The following FAM200B variants were observed in gnomAD, a reference collection of about 807,000 sequenced individuals.
FAM200B encodes protein FAM200B.
A neutral mutation model predicts 33.1 loss-of-function variants in FAM200B; 32 were observed. The observed-to-expected ratio is 0.97, with a 90% CI of 0.73 to 1.30. FAM200B has a LOEUF of 1.30. Ranked by LOEUF, FAM200B falls within the 50% of genes most tolerant of loss-of-function variation. The pLI is 0.00. For missense variants in FAM200B, 741 were observed against 754.0 expected (o/e 0.98, Z 0.20); for synonymous variants, 240 against 264.8 (o/e 0.91, Z 0.91).
At chr4:15,667,791 C>T in the FAM200B span, among the ~76,000 whole-genome samples, 1 of 152,224 alleles carries the variant, frequency 6.6e-6, no homozygotes, top group African/African-American at 2.4e-5. Flanking sequence ...CCTGTAATCC[C>T]AGCACTTTGG....
chr4:15,680,960 C>CAT (rs887106373), upstream of FAM200B, among the ~76,000 whole-genome samples: 5 of 147,568 alleles, frequency 3.4e-5, no homozygotes, highest in African/African-American at 1.2e-4. Context: ...TTTTGTTTCA[C>CAT]ATATATATAT....
chr4:15,658,340 T>G, the FAM200B span, among the ~76,000 whole-genome samples: 1 of 152,202 alleles, frequency 6.6e-6, no homozygotes, highest in Non-Finnish European at 1.5e-5. Context: ...GCAGGCTGAT[T>G]TAGGAATTGC....
upstream of FAM200B, among the ~76,000 whole-genome samples, chr4:15,677,896 G>A (rs1718054006): frequency 6.6e-6 from 1 of 151,400 alleles, no homozygotes; most frequent in Non-Finnish European, 1.5e-5. Context: ...CTTGTGGCTG[G>A]CATCTGAAAT....
the FAM200B span, chr4:15,640,673 C>G: frequency 4.2e-6 from 2 of 480,040 alleles, no homozygotes; most frequent in Non-Finnish European, 3.7e-6. Context: ...GAACTGCGTT[C>G]TTCTCTCCAT....
chr4:15,655,351 G>C, the FAM200B span: 28 of 1,245,262 alleles, frequency 2.2e-5, no homozygotes, highest in African/African-American at 4.7e-4. Flanking sequence ...CACCCTCGCC[G>C]CGGGGCAGAG....
In FAM200B at chr4:15,688,834, G is replaced by T; in HGVS notation, c.1857G>T (p.Thr619=). 1 of 1,551,420 alleles carries T rather than the reference G, an allele frequency of 6.4e-7. No individual in the cohort carries two copies. Among genetic ancestry groups the T allele is most frequent in the Non-Finnish European group, 8.7e-7 (1 of 1,146,846 alleles). The part of the protein sequence containing the change: ...SLCELGFSIL[T]QLKTKERNGL... ...GTGAACTAGGGTTTTCCATCTTAAC[G>T]CAGTTAAAAACAAAGGAAAGAAATG... Residue 619 remains threonine (T), a synonymous_variant, in exon 2 of 2, where the codon ACG becomes ACT. Transcript: ENST00000422728.
At chr4:15,641,677 A>C in the FAM200B span, 6 of 445,872 alleles carry the variant, frequency 1.3e-5, no homozygotes, top group Non-Finnish European at 2.7e-5. Context: ...GATTTTCAAC[A>C]GCACAGGGTG....
the FAM200B span, among the ~76,000 whole-genome samples, chr4:15,664,765 G>C: frequency 6.6e-6 from 1 of 151,462 alleles, no homozygotes; most frequent in Non-Finnish European, 1.5e-5. Context: ...CACCATGTTG[G>C]CCAGGCTAGT....
chr4:15,640,922 C>A, the FAM200B span: 3 of 1,155,078 alleles, frequency 2.6e-6, no homozygotes, highest in Admixed American at 2.7e-5. Flanking sequence ...ATAAAAGTTT[C>A]GCTTCATTAA....
chr4:15,671,435 T>C, the FAM200B span, among the ~76,000 whole-genome samples: 1 of 151,930 alleles, frequency 6.6e-6, no homozygotes, highest in Admixed American at 6.6e-5. Context: ...TATGGTGTAC[T>C]CTGGTTTGGG....
chr4:15,684,790 C>G (rs928480555), intron 1 of FAM200B: 7 of 152,182 alleles, frequency 4.6e-5, no homozygotes, highest in Admixed American at 2.0e-4. Flanking sequence ...CTCTTTAGTC[C>G]TGCTAATGTC....
rs1196595327 is a variant in FAM200B at position 15,688,701 on chromosome 4, A to G, written c.1724A>G (p.Tyr575Cys). 1.2e-5 allele frequency: 19 copies of G among 1,551,074 alleles called. No homozygotes were observed. The highest frequency in any genetic ancestry group is 8.2e-5 in the African/African-American group (6 of 73,044). Residue 575 changes from tyrosine (Y) to cysteine (C), a missense_variant, in exon 2 of 2, where the codon TAT becomes TGT. By Grantham distance (194) the Tyr-to-Cys change is radical. Transcript: ENST00000422728. ...TCTTCATATACATTGAAGAATGATT[A>G]TGAAACCTTAAGTTTATCAGCATTT... ...LSSSYTLKNDYETLSLSAFWM... is the reference protein window; with the variant it reads ...LSSSYTLKNDCETLSLSAFWM...
the FAM200B span, among the ~76,000 whole-genome samples, chr4:15,668,654 G>A: frequency 6.6e-6 from 1 of 152,030 alleles, no homozygotes; most frequent in African/African-American, 2.4e-5. Flanking sequence ...TGAAATAAAG[G>A]CTTAAAATCT....
chr4:15,640,141 A>G, the FAM200B span, among the ~76,000 whole-genome samples: 1 of 152,182 alleles, frequency 6.6e-6, no homozygotes, highest in Non-Finnish European at 1.5e-5. Flanking sequence ...CTTGGGCTCA[A>G]GCAATCCTCT....
chr4:15,650,666 T>C, the FAM200B span, among the ~76,000 whole-genome samples: 8 of 139,868 alleles, frequency 5.7e-5, no homozygotes, highest in East Asian at 2.0e-4. Flanking sequence ...ACTTTCTTTT[T>C]TTTTTTTTTT....
the FAM200B span, among the ~76,000 whole-genome samples, chr4:15,642,940 G>A: frequency 6.6e-6 from 1 of 151,898 alleles, no homozygotes; most frequent in Non-Finnish European, 1.5e-5. Flanking sequence ...CTCCCTTTAA[G>A]TATAATCACT....
chr4:15,644,761 A>T, the FAM200B span: 1 of 1,304,528 alleles, frequency 7.7e-7, no homozygotes, highest in Non-Finnish European at 1.1e-6. Flanking sequence ...AATATGCACA[A>T]ATAAAAAATA....
the FAM200B span, among the ~76,000 whole-genome samples, chr4:15,664,611 G>T: frequency 7.7e-6 from 1 of 129,758 alleles, no homozygotes; most frequent in Non-Finnish European, 1.5e-5. Context: ...AGGCTGGAGT[G>T]CAATGGTACG....
the FAM200B span, among the ~76,000 whole-genome samples, chr4:15,652,747 T>C: frequency 3.3e-5 from 5 of 152,314 alleles, no homozygotes; most frequent in Non-Finnish European, 7.4e-5. Context: ...CTTGAGAAGT[T>C]CAATATTGAA....
Sources: allele counts gnomAD v4.1 joint callset (sites outside exome capture counted in the v4.1 genomes callset), GRCh38; gene constraint gnomAD v4.1.1; transcripts MANE v1.5; gene names NCBI Gene and HGNC (gene_info 2026-07-23, HGNC 2026-07-21).